Variants in EDIL3 observed in about 807,000 individuals in gnomAD.
EDIL3 encodes EGF like and discoidin domains 3.
Under a neutral mutation model 67.4 loss-of-function variants are expected in EDIL3, and 37 were observed. That is an observed-to-expected ratio of 0.55 (90% CI 0.42 to 0.72). EDIL3 has a LOEUF of 0.72. EDIL3 is among the 30% of genes least tolerant of loss of function. The probability of loss-of-function intolerance (pLI) is 0.00; values close to 1 mark genes in which losing one functional copy is unlikely to be tolerated. For missense variants in EDIL3, 527 were observed against 586.3 expected (o/e 0.90, Z 1.04); for synonymous variants, 195 against 196.3 (o/e 0.99, Z 0.05).
chr5:83,968,515 AT>A (rs1025598641), intron 9 of EDIL3, among the ~76,000 whole-genome samples: 1 of 151,976 alleles, frequency 6.6e-6, no homozygotes, highest in African/African-American at 2.4e-5. Flanking sequence ...GTGTTATGGT[AT>A]TTTTTTCACA....
intron 10 of EDIL3, among the ~76,000 whole-genome samples, chr5:83,962,466 G>A (rs1744620790): frequency 6.6e-6 from 1 of 151,310 alleles, no homozygotes. Context: ...TCATTCTCCA[G>A]GGTCTCACAG....
intron 1 of EDIL3, among the ~76,000 whole-genome samples, chr5:84,349,065 C>A (rs1747299665): frequency 1.3e-5 from 2 of 152,256 alleles, no homozygotes; most frequent in African/African-American, 2.4e-5. Context: ...CCCCTTTTCT[C>A]TTCTCTTTAC....
intron 6 of EDIL3, among the ~76,000 whole-genome samples, chr5:84,077,643 A>G (rs1257908882): frequency 6.6e-6 from 1 of 152,082 alleles, no homozygotes; most frequent in Non-Finnish European, 1.5e-5. Flanking sequence ...ACCTGTCCCC[A>G]TGATTCAATT....
At chr5:84,340,260 G>C (rs1262568950) in intron 1 of EDIL3, among the ~76,000 whole-genome samples, 5 of 151,512 alleles carry the variant, frequency 3.3e-5, no homozygotes, top group Non-Finnish European at 7.4e-5. Flanking sequence ...AAAAAAATCA[G>C]TGTCTCAGAG....
chr5:84,209,256 A>G (rs1476161958), intron 3 of EDIL3, among the ~76,000 whole-genome samples: 6 of 152,194 alleles, frequency 3.9e-5, no homozygotes, highest in Non-Finnish European at 8.8e-5. Context: ...GGATAGCATT[A>G]GGCGATACAC....
chr5:83,994,436 T>C (rs969284045), intron 9 of EDIL3, among the ~76,000 whole-genome samples: 7 of 133,352 alleles, frequency 5.2e-5, no homozygotes, highest in African/African-American at 2.1e-4. Flanking sequence ...GTAAAGGTTT[T>C]TATTTAGCAA....
intron 2 of EDIL3, among the ~76,000 whole-genome samples, chr5:84,230,668 A>G (rs1744554961): frequency 6.6e-6 from 1 of 151,778 alleles, no homozygotes; most frequent in Non-Finnish European, 1.5e-5. Flanking sequence ...GGGCCTCCCA[A>G]AGTGCTGGGA....
At chr5:84,108,083 A>T (rs892655015) in intron 5 of EDIL3, among the ~76,000 whole-genome samples, 2 of 151,564 alleles carry the variant, frequency 1.3e-5, no homozygotes, top group Non-Finnish European at 3.0e-5. Flanking sequence ...TACATTTTAG[A>T]TTTTAATTAC....
chr5:84,143,378 A>T (rs1221167099), intron 4 of EDIL3, among the ~76,000 whole-genome samples: 1 of 152,074 alleles, frequency 6.6e-6, no homozygotes, highest in African/African-American at 2.4e-5. Flanking sequence ...ATAATAATTT[A>T]TTGATAACCT....
intron 4 of EDIL3, among the ~76,000 whole-genome samples, chr5:84,157,328 A>G (rs1301857278): frequency 6.6e-6 from 1 of 152,072 alleles, no homozygotes; most frequent in Non-Finnish European, 1.5e-5. Flanking sequence ...AAATTAAAAA[A>G]ATGGGGGATT....
At position 84,320,840 on chromosome 5, in the gene EDIL3, C is replaced by G. The variant is rs1012884248; in HGVS notation, c.67+63468G>C. Among the ~76,000 whole-genome samples, 32 of 152,110 alleles carry G rather than the reference C, an allele frequency of 2.1e-4. 1 individual carries two copies. Among genetic ancestry groups the G allele is most frequent in the Admixed American group, 6.5e-5 (1 of 15,278 alleles). On this transcript the variant is annotated intron_variant, in intron 1 of 10. Transcript: ENST00000296591. ...ATGCTAAAAGGAAGAAAAGTTAAGGCAGTTTATATATGCAATTGCAACATT... is the reference window on the plus strand; with the variant it reads ...ATGCTAAAAGGAAGAAAAGTTAAGGGAGTTTATATATGCAATTGCAACATT...
intron 9 of EDIL3, among the ~76,000 whole-genome samples, chr5:84,032,090 C>G (rs950793122): frequency 6.6e-6 from 1 of 152,150 alleles, no homozygotes; most frequent in African/African-American, 2.4e-5. Context: ...AAAGTTTTAT[C>G]TGAAATGAAT....
chr5:84,306,378 T>G (rs1746277129), intron 1 of EDIL3, among the ~76,000 whole-genome samples: 1 of 152,212 alleles, frequency 6.6e-6, no homozygotes, highest in Admixed American at 6.5e-5. Flanking sequence ...CATAATATAT[T>G]TTTAAAAGTA....
intron 9 of EDIL3, among the ~76,000 whole-genome samples, chr5:83,976,377 G>A (rs1240916980): frequency 6.6e-6 from 1 of 151,794 alleles, no homozygotes; most frequent in Admixed American, 6.6e-5. Flanking sequence ...CTAATGTGCT[G>A]TATTTTCAAG....
At chr5:84,051,440 C>A (rs7443102) in intron 9 of EDIL3, among the ~76,000 whole-genome samples, 2 of 152,014 alleles carry the variant, frequency 1.3e-5, no homozygotes, top group African/African-American at 4.8e-5. Flanking sequence ...TCACCAGCAA[C>A]GGAACAAAGC....
chr5:84,163,700 A>G (rs965576238), intron 4 of EDIL3, among the ~76,000 whole-genome samples: 1 of 152,100 alleles, frequency 6.6e-6, no homozygotes, highest in Admixed American at 6.6e-5. Flanking sequence ...GGACATTGTG[A>G]CATCTTTTAT....
intron 10 of EDIL3, among the ~76,000 whole-genome samples, chr5:83,944,172 T>C (rs538003090): frequency 6.6e-6 from 1 of 151,642 alleles, no homozygotes; most frequent in East Asian, 2.0e-4. Flanking sequence ...TAACGGCCTC[T>C]ATCACAGTGC....
intron 3 of EDIL3, among the ~76,000 whole-genome samples, chr5:84,210,034 G>T (rs151024243): frequency 1.4e-4 from 22 of 152,224 alleles, no homozygotes; most frequent in African/African-American, 4.6e-4. Flanking sequence ...AGTATAAAAA[G>T]TATATTCACT....
At chr5:84,160,564 T>C (rs1007271424) in intron 4 of EDIL3, among the ~76,000 whole-genome samples, 7 of 152,190 alleles carry the variant, frequency 4.6e-5, no homozygotes, top group Non-Finnish European at 8.8e-5. Flanking sequence ...TCCAGAACAG[T>C]GCCTGACAAA....
Sources: allele counts gnomAD v4.1 joint callset (sites outside exome capture counted in the v4.1 genomes callset), GRCh38; gene constraint gnomAD v4.1.1; transcripts MANE v1.5; gene names NCBI Gene and HGNC (gene_info 2026-07-23, HGNC 2026-07-21).